The following TC2N variants were observed in gnomAD, a reference collection of about 807,000 sequenced individuals.
TC2N encodes tandem C2 domains, nuclear, also known as tandem C2 domains nuclear protein.
TC2N carries 51 observed loss-of-function variants against 61.9 expected under a neutral mutation model. That is an observed-to-expected ratio of 0.82 (90% CI 0.66 to 1.04). TC2N has a LOEUF of 1.04. Among genes scored for constraint, TC2N ranks in the 50% least tolerant of loss-of-function variants. TC2N has a pLI of 0.00. For missense variants in TC2N, 556 were observed against 566.7 expected, an observed-to-expected ratio of 0.98 and a Z score of 0.19; for synonymous variants, 204 against 192.6, an observed-to-expected ratio of 1.06 and a Z score of -0.49.
intron 3 of TC2N, among the ~76,000 whole-genome samples, chr14:91,811,047 T>A (rs1182014935): frequency 1.3e-5 from 2 of 152,138 alleles, no homozygotes; most frequent in East Asian, 3.8e-4. Context: ...TCAACAAATA[T>A]ACACTTAAAA....
At chr14:91,855,241 C>A (rs1884842) in intron 1 of TC2N, among the ~76,000 whole-genome samples, 8 of 152,184 alleles carry the variant, frequency 5.3e-5, no homozygotes, top group African/African-American at 1.9e-4. Context: ...AATGCAAATG[C>A]ACTGTATTAA....
intron 4 of TC2N, among the ~76,000 whole-genome samples, chr14:91,801,615 C>T (rs1417363092): frequency 6.6e-6 from 1 of 152,190 alleles, no homozygotes; most frequent in African/African-American, 2.4e-5. Flanking sequence ...GTTGATGCTG[C>T]AGTGAGCTGA....
At chr14:91,858,334 T>C (rs929956478) in intron 1 of TC2N, among the ~76,000 whole-genome samples, 11 of 151,982 alleles carry the variant, frequency 7.2e-5, no homozygotes, top group African/African-American at 2.7e-4. Context: ...GGATTCAGGG[T>C]TGACATCGAC....
At chr14:91,816,787 C>T (rs1184829706) in intron 1 of TC2N, among the ~76,000 whole-genome samples, 1 of 151,874 alleles carries the variant, frequency 6.6e-6, no homozygotes, top group African/African-American at 2.4e-5. Flanking sequence ...CATATTTTCT[C>T]CACTTACAGG....
chr14:91,781,847 A>G lies in TC2N; in HGVS notation c.*1253T>C, dbSNP rs1486147218. ...TTATTTGGGAAAATGTTAATGATATACACAGAACATAGGAGCTGGAATAAA... is the reference window on the plus strand; with the variant it reads ...TTATTTGGGAAAATGTTAATGATATGCACAGAACATAGGAGCTGGAATAAA... On this transcript the variant is annotated 3_prime_UTR_variant, in exon 12 of 12. Transcript: ENST00000435962. 1 of 152,098 alleles carries G rather than the reference A, an allele frequency of 6.6e-6. No individual in the cohort carries two copies. Among genetic ancestry groups the G allele is most frequent in the African/African-American group, 2.4e-5 (1 of 41,444 alleles). The allele number at this position is 152,098 out of a possible 1,614,324, so 9.4% of individuals were successfully genotyped here. A position where few individuals can be genotyped will look rare whatever the true frequency, so the allele number is the denominator to read the frequency against.
At chr14:91,829,583 C>T (rs2139892274) in intron 1 of TC2N, among the ~76,000 whole-genome samples, 1 of 152,170 alleles carries the variant, frequency 6.6e-6, no homozygotes, top group South Asian at 2.1e-4. Context: ...GATCTCTGAA[C>T]ATATCTTTAA....
At position 91,803,908 on chromosome 14, in the gene TC2N, C is replaced by A. The variant is rs141539665; in HGVS notation, c.302-1487G>T. On this transcript the variant is annotated intron_variant, in intron 3 of 11. Transcript: ENST00000435962. ...CATATGCATCCAAGTACTAACCAGG[C>A]CCGACCCTGCTTAGCTTCTGAGATC... Among the ~76,000 whole-genome samples the A allele has an allele frequency of 3.0e-4, 45 of 152,264 alleles. No individual in the cohort carries two copies. The East Asian group carries it at 7.9e-3, about 27-fold the overall frequency.
At chr14:91,820,549 A>G (rs921458816) in intron 1 of TC2N, among the ~76,000 whole-genome samples, 2 of 151,970 alleles carry the variant, frequency 1.3e-5, no homozygotes, top group Non-Finnish European at 2.9e-5. Flanking sequence ...AGCCAGGAAA[A>G]AAAAAAAAGA....
chr14:91,842,018 G>A (rs1281708104), intron 1 of TC2N, among the ~76,000 whole-genome samples: 3 of 145,428 alleles, frequency 2.1e-5, no homozygotes, highest in African/African-American at 5.1e-5. Flanking sequence ...GAGTGCAGTG[G>A]TGCGATCATG....
At chr14:91,865,515 T>C (rs1213021165) in intron 1 of TC2N, among the ~76,000 whole-genome samples, 1 of 152,164 alleles carries the variant, frequency 6.6e-6, no homozygotes, top group Non-Finnish European at 1.5e-5. Flanking sequence ...TATTTGTTTG[T>C]AGTTTATAAG....
intron 1 of TC2N, among the ~76,000 whole-genome samples, chr14:91,862,603 G>C (rs967793146): frequency 1.3e-5 from 2 of 152,328 alleles, no homozygotes; most frequent in African/African-American, 4.8e-5. Flanking sequence ...TGCAGATCAA[G>C]TGTGAGGAGC....
At chr14:91,823,676 G>A (rs1027695263) in intron 1 of TC2N, among the ~76,000 whole-genome samples, 12 of 151,962 alleles carry the variant, frequency 7.9e-5, no homozygotes. Context: ...TTTAGGTAGG[G>A]TATGGGTAGA....
intron 3 of TC2N, among the ~76,000 whole-genome samples, chr14:91,809,655 C>T (rs926356870): frequency 2.0e-5 from 3 of 152,130 alleles, no homozygotes; most frequent in African/African-American, 7.2e-5. Context: ...AAGTTGGCAA[C>T]ACGCAGGGTA....
intron 1 of TC2N, among the ~76,000 whole-genome samples, chr14:91,822,714 CT>C (rs35093902): frequency 1.3e-3 from 158 of 125,410 alleles, no homozygotes; most frequent in African/African-American, 2.9e-3. Context: ...TACTCATTAT[CT>C]TTTTTTTTTT....
rs150182942 is a variant in TC2N, at chr14:91,789,888, C to A, written c.1048-2261G>T. ...CAGAAAAGAAAACATTGTTAGCCTT[C>A]CTGGAAGGGTTGAAATGAAATGCTG... On this transcript the variant is annotated intron_variant, in intron 9 of 11. Coordinates refer to ENST00000435962, the MANE Select transcript of TC2N (RefSeq NM_001128596.3). Among the ~76,000 whole-genome samples the A allele has an allele frequency of 7.7e-3, 1,172 of 152,266 alleles. 19 individuals carry two copies. The highest frequency in any genetic ancestry group is 0.026 in the African/African-American group (1,100 of 41,536).
At chr14:91,802,443 A>G in intron 3 of TC2N, 22 bp from the exon 4 acceptor site, 1 of 1,605,762 alleles carries the variant, frequency 6.2e-7, no homozygotes, top group South Asian at 1.1e-5. Flanking sequence ...TGTTTCTAAA[A>G]GTTTATAACA....
chr14:91,859,224 A>C (rs1888543523), intron 1 of TC2N, among the ~76,000 whole-genome samples: 1 of 152,172 alleles, frequency 6.6e-6, no homozygotes, highest in Admixed American at 6.5e-5. Flanking sequence ...TCAATTCAGC[A>C]TGTTTTATTT....
chr14:91,815,345 A>T lies in TC2N; in HGVS notation c.-56-1520T>A, dbSNP rs141461391. On this transcript the variant is annotated intron_variant, in intron 1 of 11. Transcript: ENST00000435962. ...GGGCACCAATAAACAAATAAACTGC[A>T]TACTTCATGAATTATTTTAATCTTT... Among the ~76,000 whole-genome samples, 34 of 151,244 alleles carry T rather than the reference A, an allele frequency of 2.2e-4. 1 individual carries two copies. Among genetic ancestry groups the T allele is most frequent in the African/African-American group, 8.0e-4 (33 of 41,018 alleles).
chr14:91,816,052 T>C (rs1220802273), intron 1 of TC2N, among the ~76,000 whole-genome samples: 1 of 151,812 alleles, frequency 6.6e-6, no homozygotes, highest in Non-Finnish European at 1.5e-5. Context: ...TTAAATTGTT[T>C]CATCTTTTGT....
Sources: gnomAD v4.1 joint callset for allele counts (sites outside exome capture counted in the v4.1 genomes callset) on GRCh38, gnomAD v4.1.1 for gene constraint, MANE v1.5 for transcripts, NCBI Gene and HGNC (gene_info 2026-07-23, HGNC 2026-07-21) for gene names.